Variants in DYNC2H1 observed in about 807,000 individuals in gnomAD.
DYNC2H1 encodes the protein dynein cytoplasmic 2 heavy chain 1.
A neutral mutation model predicts 570.0 loss-of-function variants in DYNC2H1; 410 were observed. The observed-to-expected ratio is 0.72, with a 90% CI of 0.66 to 0.78. The LOEUF (loss-of-function observed/expected upper bound fraction) is 0.78. Ranked by LOEUF, DYNC2H1 falls within the 30% of genes least tolerant of loss-of-function variation. The pLI is 0.00. For missense variants in DYNC2H1, 4,865 were observed against 5,046.4 expected, an observed-to-expected ratio of 0.96 and a Z score of 1.09; for synonymous variants, 1,688 against 1,677.6, an observed-to-expected ratio of 1.01 and a Z score of -0.15.
intron 85 of DYNC2H1, among the ~76,000 whole-genome samples, chr11:103,447,367 G>T (rs1944458267): frequency 7.7e-6 from 1 of 130,228 alleles, no homozygotes; most frequent in African/African-American, 3.2e-5. Flanking sequence ...ACTTAATAAA[G>T]TTAAACAAGG....
At chr11:103,352,920 G>A (rs1940120939) in intron 82 of DYNC2H1, among the ~76,000 whole-genome samples, 1 of 152,128 alleles carries the variant, frequency 6.6e-6, no homozygotes, top group Non-Finnish European at 1.5e-5. Flanking sequence ...ATGATAGACT[G>A]GGTAAAGATA....
At position 103,157,667 on chromosome 11, in the gene DYNC2H1, A is replaced by G. The variant is rs1289071643; in HGVS notation, c.4127+897A>G. The stretch of plus-strand genomic sequence containing the variant: ...TGTATCTCTTACTTGGACTACGCAC[A>G]TTAACCTTCTGACTTGCTCTTGTAT... On this transcript the variant is annotated intron_variant, in intron 26 of 88. Transcript: ENST00000375735. The surrounding 1 kb of genome is among the most constrained non-coding windows in gnomAD (Gnocchi z 4.2). 2.0e-5 allele frequency among the ~76,000 whole-genome samples: 3 copies of G among 152,242 alleles called. No homozygotes were observed. The highest frequency in any genetic ancestry group is 3.9e-4 in the East Asian group (2 of 5,194).
chr11:103,375,058 G>C (rs528904500), intron 83 of DYNC2H1, among the ~76,000 whole-genome samples: 50 of 152,322 alleles, frequency 3.3e-4, no homozygotes, highest in African/African-American at 1.2e-3. Flanking sequence ...GCTGTGTGCA[G>C]CCTTGGGACT....
chr11:103,375,193 T>A (rs373839554), intron 83 of DYNC2H1, among the ~76,000 whole-genome samples: 25 of 152,236 alleles, frequency 1.6e-4, no homozygotes, highest in African/African-American at 5.8e-4. Context: ...GGCCTGTGGG[T>A]GCACAGAAAA....
rs1285803510 is a variant in DYNC2H1 at position 103,326,176 on chromosome 11, C to T, written c.12039+2186C>T. Among the ~76,000 whole-genome samples, 1 of 152,050 alleles carries T rather than the reference C, an allele frequency of 6.6e-6. No individual in the cohort carries two copies. Among genetic ancestry groups the T allele is most frequent in the Non-Finnish European group, 1.5e-5 (1 of 68,024 alleles). ...GTAGTGGCTGGTAGATAGGCTCTTA[C>T]TTAGCCCTGTGGTTTTTTTGTTATT... On this transcript the variant is annotated intron_variant, in intron 82 of 88. Transcript: ENST00000375735. This position sits in a 1 kb window ranked among gnomAD's most constrained non-coding sequence, Gnocchi z 6.1.
chr11:103,365,276 A>C (rs1010216266), intron 83 of DYNC2H1, among the ~76,000 whole-genome samples: 3 of 151,924 alleles, frequency 2.0e-5, no homozygotes, highest in Non-Finnish European at 2.9e-5. Context: ...CAGGAGAAGC[A>C]CTTGAACCCG....
rs1474497383 is a variant in DYNC2H1, at chr11:103,342,805, C to T, written c.12040-15438C>T. Among the ~76,000 whole-genome samples the T allele has an allele frequency of 3.3e-5, 5 of 152,122 alleles. No homozygotes were observed. In the East Asian group the frequency reaches 5.8e-4, roughly 18 times the overall value. On this transcript the variant is annotated intron_variant, in intron 82 of 88. Transcript: ENST00000375735. Reference sequence around the variant, plus strand: ...GCTGGGTCTGTGCCACCTTTAAGAGCTGTAACACTGCAAAGTTCCACAGCT... The same window carrying T: ...GCTGGGTCTGTGCCACCTTTAAGAGTTGTAACACTGCAAAGTTCCACAGCT...
chr11:103,380,349 T>C (rs948033964), intron 83 of DYNC2H1, among the ~76,000 whole-genome samples: 2 of 152,218 alleles, frequency 1.3e-5, no homozygotes, highest in African/African-American at 4.8e-5. Flanking sequence ...TTTATTTATT[T>C]ATTAAATATC....
intron 81 of DYNC2H1, 140 bp downstream of exon 81, chr11:103,321,377 C>A: frequency 2.1e-6 from 2 of 959,400 alleles, no homozygotes; most frequent in Non-Finnish European, 3.1e-6. Flanking sequence ...CAATATATGG[C>A]TTGATTCTTT....
intron 80 of DYNC2H1, 137 bp from the exon 81 acceptor site, chr11:103,320,892 C>G: frequency 1.5e-6 from 1 of 675,764 alleles, no homozygotes; most frequent in Non-Finnish European, 2.4e-6. Context: ...CAAATATTTA[C>G]TACTATTAAT....
intron 65 of DYNC2H1, among the ~76,000 whole-genome samples, chr11:103,248,130 T>C (rs11225626): frequency 0.038 from 5,804 of 152,116 alleles, 367 homozygotes; most frequent in African/African-American, 0.13. Flanking sequence ...ACGCAAGCAG[T>C]TGGTCTATAA....
At chr11:103,471,819 C>T (rs533137922) in intron 88 of DYNC2H1, among the ~76,000 whole-genome samples, 8 of 152,124 alleles carry the variant, frequency 5.3e-5, no homozygotes, top group South Asian at 4.2e-4. Context: ...TGCTACAGTT[C>T]GGAATCATTA....
chr11:103,170,106 A>G lies in DYNC2H1; in HGVS notation c.4969-2A>G, dbSNP rs1221933494. 6.2e-7 allele frequency: 1 copy of G among 1,605,724 alleles called. No individual in the cohort carries two copies. Among genetic ancestry groups the G allele is most frequent in the Admixed American group, 1.7e-5 (1 of 58,828 alleles). ...CTCTGACTTTGTGTTGTTCTTGTAT[A>G]GGGTAATGCTTCCAAACTGGTTTAT... On this transcript the variant is annotated splice_acceptor_variant, in intron 32 of 88. Transcript: ENST00000375735. LOFTEE classifies it high-confidence loss of function. The surrounding 1 kb of genome is among the most constrained non-coding windows in gnomAD (Gnocchi z 4.8).
chr11:103,283,088 A>T lies in DYNC2H1; in HGVS notation c.10890+3A>T. On this transcript the variant is annotated splice_donor_region_variant and intron_variant, in intron 73 of 88. Transcript: ENST00000375735. Reference sequence around the variant, plus strand: ...GCTGGGCCGTGGCAACATTAAAGGTATTCCTTTTCTACTATGAGACATGTT... The same window carrying T: ...GCTGGGCCGTGGCAACATTAAAGGTTTTCCTTTTCTACTATGAGACATGTT... The T allele has an allele frequency of 6.3e-7, 1 of 1,599,690 alleles. No individual in the cohort carries two copies. Among genetic ancestry groups the T allele is most frequent in the Non-Finnish European group, 8.5e-7 (1 of 1,170,770 alleles).
intron 54 of DYNC2H1, among the ~76,000 whole-genome samples, chr11:103,214,675 T>C (rs560820106): frequency 6.6e-6 from 1 of 152,022 alleles, no homozygotes; most frequent in Admixed American, 6.6e-5. Flanking sequence ...ACTCCTGACC[T>C]CAAGTGATCC....
chr11:103,385,185 T>G (rs1383692144), intron 83 of DYNC2H1, among the ~76,000 whole-genome samples: 2 of 152,122 alleles, frequency 1.3e-5, no homozygotes, highest in African/African-American at 4.8e-5. Context: ...TGGGTAAGAT[T>G]TAATGGGCTT....
At chr11:103,377,509 A>G (rs907921806) in intron 83 of DYNC2H1, among the ~76,000 whole-genome samples, 1 of 152,132 alleles carries the variant, frequency 6.6e-6, no homozygotes, top group African/African-American at 2.4e-5. Context: ...TTATTAAATA[A>G]GCACTTTTTA....
chr11:103,295,310 A>G (rs71480478), intron 75 of DYNC2H1, among the ~76,000 whole-genome samples: 653 of 152,294 alleles, frequency 4.3e-3, no homozygotes, highest in Non-Finnish European at 7.2e-3. Context: ...AGGAAATTAA[A>G]GAAAGAAAAA....
In DYNC2H1 at chr11:103,253,456, T is replaced by C. The variant is rs547819726; in HGVS notation, c.10206+8T>C. Reference sequence around the variant, plus strand: ...AGTGGATTACGAGGGCAGGTATACATAGATAATAATAATTTACCTTGGAAT... The same window carrying C: ...AGTGGATTACGAGGGCAGGTATACACAGATAATAATAATTTACCTTGGAAT... On this transcript the variant is annotated splice_region_variant and intron_variant, in intron 66 of 88. Transcript: ENST00000375735. 8 of 1,589,716 alleles carry C rather than the reference T, an allele frequency of 5.0e-6. No individual in the cohort carries two copies. The highest frequency in any genetic ancestry group is 2.2e-5 in the East Asian group (1 of 44,524).
Sources: gnomAD v4.1 joint callset for allele counts (sites outside exome capture counted in the v4.1 genomes callset) on GRCh38, gnomAD v4.1.1 for gene constraint, Gnocchi (gnomAD v3.1) non-coding constraint, MANE v1.5 for transcripts, NCBI Gene and HGNC (gene_info 2026-07-23, HGNC 2026-07-21) for gene names.